LTB: variants seen among roughly 807,000 people sequenced by gnomAD.
LTB encodes lymphotoxin beta, also known as lymphotoxin-beta.
Under a neutral mutation model 14.7 loss-of-function variants are expected in LTB, and 17 were observed. That is an observed-to-expected ratio of 1.16 (90% confidence interval 0.79 to 1.73). The LOEUF (loss-of-function observed/expected upper bound fraction) is 1.73. LTB is among the 40% of genes most tolerant of loss of function. The pLI is 0.00. For synonymous variants in LTB, 163 were observed against 157.3 expected (o/e 1.04, Z -0.27); for missense variants, 288 against 324.3 (o/e 0.89, Z 0.86).
rs1381690994 is a variant in LTB at position 31,580,882 on chromosome 6, C to T, written c.562G>A (p.Val188Met). The change falls in exon 4 of 4, where the codon GTG becomes ATG. Residue 188 changes from valine (V) to methionine (M), a missense_variant. Physicochemically the swap from Val to Met is conservative, Grantham distance 21. Coordinates refer to ENST00000429299, the MANE Select transcript of LTB (RefSeq NM_002341.2). This position sits in a 1 kb window ranked among gnomAD's most constrained non-coding sequence, Gnocchi z 6.6. ...CCTTGTCTCCTGGCCGGGTCCAGCACTGGAGTCACCGTCTCGGCGCCCTCG... is the reference window on the plus strand; with the variant it reads ...CCTTGTCTCCTGGCCGGGTCCAGCATTGGAGTCACCGTCTCGGCGCCCTCG... The part of the protein sequence containing the change: ...LLEGAETVTP[V>M]LDPARRQGYG... 6.2e-7 allele frequency: 1 copy of T among 1,605,102 alleles called. No individual in the cohort carries two copies. The highest frequency in any genetic ancestry group is 8.5e-7 in the Non-Finnish European group (1 of 1,176,590).
chr6:31,580,892 C>A lies in LTB; in HGVS notation c.552G>T (p.Thr184=), dbSNP rs1294591044. Residue 184 remains threonine (T), a synonymous_variant, in exon 4 of 4, where the codon ACG becomes ACT. Transcript: ENST00000429299. This position sits in a 1 kb window ranked among gnomAD's most constrained non-coding sequence, Gnocchi z 6.6. ...TGGCCGGGTCCAGCACTGGAGTCAC[C>A]GTCTCGGCGCCCTCGAGCAGCAGCT... The part of the protein sequence containing the change: ...TPELLLEGAE[T]VTPVLDPARR... 1 of 1,600,326 alleles carries A rather than the reference C, an allele frequency of 6.2e-7. No homozygotes were observed.
chr6:31,581,107 G>T lies in LTB; in HGVS notation c.337C>A (p.Leu113Met). ...TCCGAGAACTGCGTCCCGCTCGTCA[G>T]AAACGCCTGTTCCTTCGTCGTCTCC... ...GWETTKEQAF[L>M]TSGTQFSDAE... Residue 113 changes from leucine to methionine, a missense_variant, in exon 4 of 4, where the codon CTG (leucine) becomes ATG (methionine). Transcript: ENST00000429299. 6.2e-7 allele frequency: 1 copy of T among 1,602,702 alleles called. No individual in the cohort carries two copies.
At chr6:31,582,204 C>T (rs1167253955) in intron 1 of LTB, 52 bp downstream of exon 1, 1 of 1,599,954 alleles carries the variant, frequency 6.3e-7, no homozygotes, top group Non-Finnish European at 8.5e-7. Context: ...CCAGAGGGAG[C>T]CAAGCATCCG....
chr6:31,581,744 T>A (rs555196393), intron 2 of LTB, 70 bp downstream of exon 2: 4 of 1,605,398 alleles, frequency 2.5e-6, no homozygotes, highest in Admixed American at 1.7e-5. Context: ...AAGAGGTATC[T>A]GGGGACGCAG....
At chr6:31,581,659 G>C in intron 2 of LTB, 29 bp from the exon 3 acceptor site, 1 of 1,608,914 alleles carries the variant, frequency 6.2e-7, no homozygotes. Flanking sequence ...CCACGATTGG[G>C]GGCAGGGCAG....
intron 2 of LTB, 60 bp downstream of exon 2, chr6:31,581,754 G>C: frequency 6.2e-7 from 1 of 1,606,262 alleles, no homozygotes. Context: ...TGGGGACGCA[G>C]CAGGGAGCTG....
At chr6:31,581,912 C>T in intron 1 of LTB, 53 bp from the exon 2 acceptor site, 4 of 1,522,670 alleles carry the variant, frequency 2.6e-6, no homozygotes, top group South Asian at 2.6e-5. Flanking sequence ...CATGTCACCC[C>T]TACCCCTCTG....
At chr6:31,581,685 A>AT in intron 2 of LTB, 55 bp from the exon 3 acceptor site, 1 of 1,590,144 alleles carries the variant, frequency 6.3e-7, no homozygotes, top group Non-Finnish European at 8.6e-7. Flanking sequence ...CATGCAGGCT[A>AT]CCCTTGAGAG....
Position 31,580,856 on chromosome 6 carries a change from C to T in LTB, c.588G>A (p.Gly196=). ...TPVLDPARRQ[G]YGPLWYTSVG... is the part of the protein sequence containing the mutation. ...CGCTCGTGTACCAGAGAGGCCCGTA[C>T]CCTTGTCTCCTGGCCGGGTCCAGCA... The change falls in exon 4 of 4, where the codon GGG becomes GGA. Residue 196 remains glycine, a synonymous_variant. Coordinates refer to ENST00000429299, the MANE Select transcript of LTB (RefSeq NM_002341.2). The surrounding 1 kb of genome is among the most constrained non-coding windows in gnomAD (Gnocchi z 6.6). The T allele has an allele frequency of 6.2e-7, 1 of 1,610,506 alleles. No homozygotes were observed. Among genetic ancestry groups the T allele is most frequent in the South Asian group, 1.1e-5 (1 of 90,634 alleles).
chr6:31,581,936 G>C (rs576331800), intron 1 of LTB, 77 bp from the exon 2 acceptor site: 11 of 1,433,868 alleles, frequency 7.7e-6, no homozygotes, highest in East Asian at 6.8e-5. Context: ...GTGGACCCAA[G>C]CTGCAGGCCT....
intron 2 of LTB, 44 bp downstream of exon 2, chr6:31,581,770 C>T: frequency 6.2e-7 from 1 of 1,611,800 alleles, no homozygotes; most frequent in Non-Finnish European, 8.5e-7. Context: ...AGCTGGGAGC[C>T]CCTGAGGGTC....
At chr6:31,582,233 C>A in intron 1 of LTB, 23 bp downstream of exon 1, 1 of 1,611,598 alleles carries the variant, frequency 6.2e-7, no homozygotes, top group Non-Finnish European at 8.5e-7. Flanking sequence ...AACTCTCCAC[C>A]AGGGCCTGTT....
At position 31,581,589 on chromosome 6, in the gene LTB, T is replaced by A; in HGVS notation, c.250A>T (p.Ser84Cys). Residue 84 changes from serine to cysteine, a missense_variant, in exon 3 of 4, where the codon AGC becomes TGC. This residue lies in a region of LTB where 284 missense variants were observed against 299.2 expected (regional missense o/e 0.95). Coordinates refer to ENST00000429299, the MANE Select transcript of LTB (RefSeq NM_002341.2). ...AGGTGGGCAGCTGGGAGCCCGGGGC[T>A]GAGATCTGTTTCTGGCTCCTCCTCT... ...LPEEEPETDL[S>C]PGLPAAHLIG... is the part of the protein sequence containing the mutation. 6.2e-7 allele frequency: 1 copy of A among 1,612,390 alleles called. No homozygotes were observed. The highest frequency in any genetic ancestry group is 8.5e-7 in the Non-Finnish European group (1 of 1,179,532).
chr6:31,581,784 A>G, intron 2 of LTB, 30 bp downstream of exon 2: 3 of 1,612,494 alleles, frequency 1.9e-6, no homozygotes, highest in Non-Finnish European at 2.5e-6. Flanking sequence ...GAGGGTCTGA[A>G]GCGGGGAAGG....
chr6:31,580,697 A>G lies in LTB; in HGVS notation c.*12T>C. The G allele has an allele frequency of 6.3e-7, 1 of 1,581,400 alleles. No homozygotes were observed. The highest frequency in any genetic ancestry group is 8.7e-7 in the Non-Finnish European group (1 of 1,155,550). On this transcript the variant is annotated 3_prime_UTR_variant, in exon 4 of 4. Coordinates refer to ENST00000429299, the MANE Select transcript of LTB (RefSeq NM_002341.2). This position sits in a 1 kb window ranked among gnomAD's most constrained non-coding sequence, Gnocchi z 6.6. Reference sequence around the variant, plus strand: ...CAATATTCACGCACTCGCACCACGCACTCATATTCCCTCACCCCACCATCA... The same window carrying G: ...CAATATTCACGCACTCGCACCACGCGCTCATATTCCCTCACCCCACCATCA...
At chr6:31,581,456 TG>T in intron 3 of LTB, 102 bp downstream of exon 3, 3 of 1,110,508 alleles carry the variant, frequency 2.7e-6, no homozygotes, top group Non-Finnish European at 4.1e-6. Flanking sequence ...GTGAAGCGGG[TG>T]GGAAACCGAG....
At position 31,581,098 on chromosome 6, in the gene LTB, C is replaced by G. The variant is rs572807966; in HGVS notation, c.346G>C (p.Gly116Arg). Residue 116 changes from glycine to arginine, a missense_variant, in exon 4 of 4, where the codon GGG becomes CGG. By Grantham distance (125) the Gly-to-Arg change is moderately radical (BLOSUM62 -2). Transcript: ENST00000429299. ...TTKEQAFLTS[G>R]TQFSDAEGLA... ...CCCTCGGCGTCCGAGAACTGCGTCC[C>G]GCTCGTCAGAAACGCCTGTTCCTTC... 2 of 1,607,252 alleles carry G rather than the reference C, an allele frequency of 1.2e-6. No individual in the cohort carries two copies. The highest frequency in any genetic ancestry group is 1.7e-6 in the Non-Finnish European group (2 of 1,177,494).
chr6:31,580,606 A>T lies in LTB; in HGVS notation c.*103T>A. On this transcript the variant is annotated 3_prime_UTR_variant, in exon 4 of 4. Transcript: ENST00000429299. The surrounding 1 kb of genome is among the most constrained non-coding windows in gnomAD (Gnocchi z 6.6). ...CCATTCTTTATTTTCATCAGGTTCA[A>T]AATCAATTTCCAAACAGTCTCCTAC... 9.1e-7 allele frequency: 1 copy of T among 1,104,330 alleles called. No individual in the cohort carries two copies. The highest frequency in any genetic ancestry group is 2.1e-4 in the Middle Eastern group (1 of 4,768). The allele number at this position is 1,104,330 out of a possible 1,614,324, so 68.4% of individuals were successfully genotyped here.
Position 31,581,842 on chromosome 6 carries a change from G to T in LTB, c.180C>A (p.Asp60Glu). The change falls in exon 2 of 4, where the codon GAC becomes GAA. Residue 60 changes from aspartate to glutamate, a missense_variant. Physicochemically the swap from Asp to Glu is conservative, Grantham distance 45 (BLOSUM62 2). Transcript: ENST00000429299. Reference sequence around the variant, plus strand: ...GTCCTTGCTGGGCCTGTGCCCCGGGGTCGGCCGTCTCCGTTACCTGGTTGG... The same window carrying T: ...GTCCTTGCTGGGCCTGTGCCCCGGGTTCGGCCGTCTCCGTTACCTGGTTGG... ...DQGGLVTETA[D>E]PGAQAQQGLG... 1.3e-6 allele frequency: 2 copies of T among 1,599,804 alleles called. No individual in the cohort carries two copies. The highest frequency in any genetic ancestry group is 2.2e-5 in the South Asian group (2 of 89,114).
Sources: allele counts gnomAD v4.1 joint callset, GRCh38; gene constraint gnomAD v4.1.1; regional missense constraint gnomAD v4.1.1; non-coding constraint Gnocchi (gnomAD v3.1); transcripts MANE v1.5; gene names NCBI Gene and HGNC (gene_info 2026-07-23, HGNC 2026-07-21).